The following ILK variants were observed in gnomAD, a reference collection of about 807,000 sequenced individuals.
ILK encodes scaffold protein ILK.
A neutral mutation model predicts 57.8 loss-of-function variants in ILK; 37 were observed. The observed-to-expected ratio is 0.64, with a 90% CI of 0.49 to 0.84. The LOEUF is 0.84. Ranked by LOEUF, ILK falls within the 40% of genes least tolerant of loss-of-function variation. The pLI, the probability that ILK is intolerant of heterozygous loss-of-function variation, is 0.00. For missense variants in ILK, 528 were observed against 595.7 expected (o/e 0.89, Z 1.18); for synonymous variants, 231 against 202.2 (o/e 1.14, Z -1.21).
At position 6,609,502 on chromosome 11, in the gene ILK, C is replaced by T. The variant is rs752860633; in HGVS notation, c.729-10C>T. 12 of 1,614,124 alleles carry T rather than the reference C, an allele frequency of 7.4e-6. No individual in the cohort carries two copies. Among genetic ancestry groups the T allele is most frequent in the Non-Finnish European group, 9.3e-6 (11 of 1,180,026 alleles). ...TGTACTGGGTCTCAACCACTCCCTC[C>T]CTCTTCTAGGATTTTCTCGCATCCA... On this transcript the variant is annotated splice_polypyrimidine_tract_variant and intron_variant, in intron 8 of 12. Transcript: ENST00000299421.
Position 6,609,063 on chromosome 11 carries a change from A to G in ILK, c.533-8A>G. ...GAAGCTGGGTACCTGACCTGCCCAC[A>G]CTCTTAGGAAATGGAACCCTGAACA... On this transcript the variant is annotated splice_polypyrimidine_tract_variant and splice_region_variant and intron_variant, in intron 6 of 12. Coordinates refer to ENST00000299421, the MANE Select transcript of ILK (RefSeq NM_004517.4). 2 of 1,613,742 alleles carry G rather than the reference A, an allele frequency of 1.2e-6. No homozygotes were observed. The highest frequency in any genetic ancestry group is 1.7e-5 in the Admixed American group (1 of 60,010).
chr11:6,605,592 G>T (rs967753862), intron 2 of ILK, among the ~76,000 whole-genome samples: 1 of 151,876 alleles, frequency 6.6e-6, no homozygotes, highest in African/African-American at 2.4e-5. Context: ...TTGTTGTGCA[G>T]ATCATTTCAT....
intron 2 of ILK, chr11:6,604,662 T>C: frequency 1.9e-6 from 1 of 522,212 alleles, no homozygotes; most frequent in Non-Finnish European, 3.5e-6. Context: ...GAGTTCCATA[T>C]GGCTGGAGGA....
intron 1 of ILK, 22 bp from the exon 2 acceptor site, chr11:6,604,158 C>T (rs1854581760): frequency 2.0e-6 from 2 of 992,416 alleles, no homozygotes; most frequent in African/African-American, 1.6e-5. Flanking sequence ...CTACCCCCAA[C>T]ACAAACACTT....
chr11:6,609,521 G>A lies in ILK; in HGVS notation c.738G>A (p.Ser246=), dbSNP rs369519432. ...TCCCTCCCTCTTCTAGGATTTTCTC[G>A]CATCCAAATGTGCTCCCAGTGCTAG... ...NEECPRLRIF[S]HPNVLPVLGA... Residue 246 remains serine (S), a synonymous_variant, in exon 9 of 13, where the codon TCG becomes TCA. Coordinates refer to ENST00000299421, the MANE Select transcript of ILK (RefSeq NM_004517.4). The A allele has an allele frequency of 3.3e-5, 53 of 1,613,914 alleles. No individual in the cohort carries two copies. The highest frequency in any genetic ancestry group is 8.9e-5 in the East Asian group (4 of 44,894).
In ILK at chr11:6,610,482, G is replaced by A. The variant is rs1258034558; in HGVS notation, c.1230G>A (p.Arg410=). The part of the protein sequence containing the change: ...IGMKVALEGL[R]PTIPPGISPH... ...CGCAGGTGGCATTGGAAGGCCTTCGGCCTACCATCCCACCAGGTATTTCCC... is the reference window on the plus strand; with the variant it reads ...CGCAGGTGGCATTGGAAGGCCTTCGACCTACCATCCCACCAGGTATTTCCC... Residue 410 remains arginine, a synonymous_variant, in exon 13 of 13, where the codon CGG becomes CGA. Transcript: ENST00000299421. The A allele has an allele frequency of 2.5e-6, 4 of 1,614,068 alleles. No individual in the cohort carries two copies. The African/African-American group carries it at 4.0e-5, about 16-fold the overall frequency.
Position 6,610,224 on chromosome 11 carries a change from G to T in ILK, c.1155G>T (p.Leu385=), listed in dbSNP as rs746227206. Residue 385 remains leucine, a synonymous_variant, in exon 12 of 13, where the codon CTG becomes CTT. Transcript: ENST00000299421. ...MWSFAVLLWE[L]VTREVPFADL... ...GTTTTGCAGTGCTTCTGTGGGAACT[G>T]GTGACACGGGAGGTACCCTTTGCTG... 6.2e-7 allele frequency: 1 copy of T among 1,614,212 alleles called. No homozygotes were observed. Among genetic ancestry groups the T allele is most frequent in the Non-Finnish European group, 8.5e-7 (1 of 1,180,032 alleles).
Position 6,610,595 on chromosome 11 carries a change from A to C in ILK, c.1343A>C (p.Lys448Thr). Residue 448 changes from lysine (K) to threonine (T), a missense_variant, in exon 13 of 13, where the codon AAG (lysine) becomes ACG (threonine). Lys to Thr is a moderately conservative substitution (Grantham distance 78). Coordinates refer to ENST00000299421, the MANE Select transcript of ILK (RefSeq NM_004517.4). ...KFDMIVPILEKMQDK is the reference protein window; with the variant it reads ...KFDMIVPILETMQDK ...GACATGATTGTGCCTATCCTTGAGA[A>C]GATGCAGGACAAGTAGGACTGGAAG... The C allele has an allele frequency of 6.2e-7, 1 of 1,614,240 alleles. No homozygotes were observed. The highest frequency in any genetic ancestry group is 8.5e-7 in the Non-Finnish European group (1 of 1,180,038).
At chr11:6,607,112 T>C (rs1320619202) in intron 2 of ILK, 2 of 152,344 alleles carry the variant, frequency 1.3e-5, no homozygotes, top group African/African-American at 4.8e-5. Flanking sequence ...ACCACAACAC[T>C]AAGGCATCCG....
chr11:6,609,026 C>T, intron 6 of ILK, 45 bp from the exon 7 acceptor site: 6 of 1,611,806 alleles, frequency 3.7e-6, no homozygotes, highest in Non-Finnish European at 5.1e-6. Context: ...CCTCTTGGGG[C>T]TGGGTTAGGG....
At chr11:6,604,668 G>T in intron 2 of ILK, 1 of 512,966 alleles carries the variant, frequency 1.9e-6, no homozygotes, top group East Asian at 3.8e-5. Flanking sequence ...CATATGGCTG[G>T]AGGATAGATG....
chr11:6,610,764 C>A lies in ILK; in HGVS notation c.*153C>A. 7.5e-7 allele frequency: 1 copy of A among 1,328,686 alleles called. No homozygotes were observed. Among genetic ancestry groups the A allele is most frequent in the Admixed American group, 1.9e-5 (1 of 52,668 alleles). 82.3% of individuals were successfully genotyped at this position (1,328,686 alleles called of 1,614,324 possible). A position where few individuals can be genotyped will look rare whatever the true frequency, so the allele number is the denominator to read the frequency against. On this transcript the variant is annotated 3_prime_UTR_variant, in exon 13 of 13. Transcript: ENST00000299421. ...CCATCCCCTTCCCCCATCCCTACCA[C>A]TGTGGCCCCAAGAGGGGCGGGCTCA...
chr11:6,608,284 A>G lies in ILK; in HGVS notation c.255+73A>G, dbSNP rs1855146197. ...GTCAGTCACAGGCACTGTAACATACAGTAGAAAGCATGTGTGCTCTTCCCC... is the reference window on the plus strand; with the variant it reads ...GTCAGTCACAGGCACTGTAACATACGGTAGAAAGCATGTGTGCTCTTCCCC... On this transcript the variant is annotated intron_variant, in intron 3 of 12. Transcript: ENST00000299421. This position sits in a 1 kb window ranked among gnomAD's most constrained non-coding sequence, Gnocchi z 4.9. 49 of 1,581,598 alleles carry G rather than the reference A, an allele frequency of 3.1e-5. 1 individual carries two copies. In the South Asian group the frequency reaches 5.4e-4, roughly 17 times the overall value.
chr11:6,607,087 C>G (rs949309064), intron 2 of ILK: 1 of 152,384 alleles, frequency 6.6e-6, no homozygotes, highest in Non-Finnish European at 1.5e-5. Flanking sequence ...TGCCTAGAGT[C>G]GCACACAGGA....
At position 6,609,183 on chromosome 11, in the gene ILK, C is replaced by T. The variant is rs747363575; in HGVS notation, c.618+27C>T. 33 of 1,603,436 alleles carry T rather than the reference C, an allele frequency of 2.1e-5. 1 individual carries two copies. In the South Asian group the frequency reaches 3.5e-4, roughly 17 times the overall value. The stretch of plus-strand genomic sequence containing the variant: ...TGACCCCTGCCCTTCTTGCCCTTCC[C>T]TCACTAAACCCCCATAAATTACTTG... On this transcript the variant is annotated intron_variant, in intron 7 of 12. Transcript: ENST00000299421.
Position 6,608,356 on chromosome 11 carries a change from C to G in ILK, c.256-38C>G, listed in dbSNP as rs760700632. Reference sequence around the variant, plus strand: ...AGTATCTCATTTGGAACTGACTGTACTTTCTGCCTCTTCTTTTTGTCTGGC... The same window carrying G: ...AGTATCTCATTTGGAACTGACTGTAGTTTCTGCCTCTTCTTTTTGTCTGGC... On this transcript the variant is annotated intron_variant, in intron 3 of 12. Coordinates refer to ENST00000299421, the MANE Select transcript of ILK (RefSeq NM_004517.4). This position sits in a 1 kb window ranked among gnomAD's most constrained non-coding sequence, Gnocchi z 4.9. The G allele has an allele frequency of 1.3e-6, 2 of 1,598,584 alleles. No individual in the cohort carries two copies. Among genetic ancestry groups the G allele is most frequent in the South Asian group, 2.2e-5 (2 of 90,740 alleles).
Position 6,610,233 on chromosome 11 carries a change from G to T in ILK, c.1164G>T (p.Arg388=). The change falls in exon 12 of 13, where the codon CGG becomes CGT. Residue 388 remains arginine, a synonymous_variant. Coordinates refer to ENST00000299421, the MANE Select transcript of ILK (RefSeq NM_004517.4). ...TGCTTCTGTGGGAACTGGTGACACGGGAGGTACCCTTTGCTGACCTCTCCA... is the reference window on the plus strand; with the variant it reads ...TGCTTCTGTGGGAACTGGTGACACGTGAGGTACCCTTTGCTGACCTCTCCA... ...FAVLLWELVT[R]EVPFADLSNM... is the part of the protein sequence containing the mutation. 1 of 1,614,230 alleles carries T rather than the reference G, an allele frequency of 6.2e-7. No homozygotes were observed. The highest frequency in any genetic ancestry group is 2.2e-5 in the East Asian group (1 of 44,888).
At chr11:6,607,730 G>C in intron 2 of ILK, 1 of 400,070 alleles carries the variant, frequency 2.5e-6, no homozygotes, top group African/African-American at 2.0e-5. Flanking sequence ...AAAACAGAAA[G>C]GACCAATAGA....
chr11:6,609,480 A>T, intron 8 of ILK, 32 bp from the exon 9 acceptor site: 1 of 1,614,102 alleles, frequency 6.2e-7, no homozygotes, highest in Non-Finnish European at 8.5e-7. Flanking sequence ...GATCTTTTGT[A>T]CTGGGTCTCA....
Sources: gnomAD v4.1 joint callset for allele counts (sites outside exome capture counted in the v4.1 genomes callset) on GRCh38, gnomAD v4.1.1 for gene constraint, Gnocchi (gnomAD v3.1) non-coding constraint, MANE v1.5 for transcripts, NCBI Gene and HGNC (gene_info 2026-07-23, HGNC 2026-07-21) for gene names.